The following VSNL1 variants were observed in gnomAD, a reference collection of about 807,000 sequenced individuals.
VSNL1 encodes the protein visinin like 1.
In VSNL1, 6 loss-of-function variants were observed where a neutral mutation model predicts 20.4. The observed-to-expected ratio is 0.29, with a 90% confidence interval of 0.16 to 0.58. VSNL1 has a LOEUF of 0.58. Ranked by LOEUF, VSNL1 falls within the 20% of genes least tolerant of loss-of-function variation. The pLI, the probability that VSNL1 is intolerant of heterozygous loss-of-function variation, is 0.90. For missense variants in VSNL1, 100 were observed against 234.5 expected (o/e 0.43, Z 3.75); for synonymous variants, 93 against 86.4 (o/e 1.08, Z -0.42).
intron 2 of VSNL1, among the ~76,000 whole-genome samples, chr2:17,611,810 C>A (rs1367801029): frequency 4.6e-5 from 7 of 152,196 alleles, no homozygotes; most frequent in Admixed American, 1.3e-4. Flanking sequence ...CCCCAAATGT[C>A]TCTCATCAAT....
chr2:17,597,245 G>A (rs958079726), intron 2 of VSNL1, among the ~76,000 whole-genome samples: 3 of 152,184 alleles, frequency 2.0e-5, no homozygotes, highest in Non-Finnish European at 4.4e-5. Context: ...CCCAGCTCCC[G>A]CTGCCAGATA....
intron 2 of VSNL1, among the ~76,000 whole-genome samples, chr2:17,604,075 G>C (rs1487336914): frequency 1.3e-5 from 2 of 152,232 alleles, no homozygotes; most frequent in Non-Finnish European, 2.9e-5. Flanking sequence ...AACAGCCCAA[G>C]AGCTAAGTGT....
rs889965432 is a variant in VSNL1 at position 17,540,833 on chromosome 2, C to A, written c.-91C>A. ...GAACCACACACAGAGACGGCTTAAG[C>A]GTTTACCCGAATTAAATATATATTT... On this transcript the variant is annotated 5_prime_UTR_variant, in exon 1 of 4. Transcript: ENST00000295156. The A allele has an allele frequency of 6.6e-6, 1 of 152,634 alleles. No homozygotes were observed. The highest frequency in any genetic ancestry group is 1.5e-5 in the Non-Finnish European group (1 of 68,048). 9.5% of individuals were successfully genotyped at this position (152,634 alleles called of 1,614,324 possible).
intron 2 of VSNL1, among the ~76,000 whole-genome samples, chr2:17,617,495 TA>T (rs113227311): frequency 0.065 from 9,375 of 144,412 alleles, 915 homozygotes; most frequent in African/African-American, 0.22. Flanking sequence ...GACTCTGTCT[TA>T]AAAAAAAAAA....
intron 1 of VSNL1, among the ~76,000 whole-genome samples, chr2:17,578,387 T>C (rs1664267337): frequency 1.3e-5 from 2 of 152,224 alleles, no homozygotes; most frequent in African/African-American, 4.8e-5. Flanking sequence ...TAGGATTGTT[T>C]TGAGGTTTTC....
intron 1 of VSNL1, among the ~76,000 whole-genome samples, chr2:17,589,888 T>A (rs1002688030): frequency 3.9e-5 from 6 of 152,178 alleles, no homozygotes; most frequent in African/African-American, 1.4e-4. Flanking sequence ...GCTGGCAAAG[T>A]GATCCTTTTT....
At chr2:17,578,171 C>T (rs186374969) in intron 1 of VSNL1, among the ~76,000 whole-genome samples, 1 of 152,234 alleles carries the variant, frequency 6.6e-6, no homozygotes, top group Non-Finnish European at 1.5e-5. Context: ...ATAAGAAAAA[C>T]TCAGTAAATT....
intron 2 of VSNL1, among the ~76,000 whole-genome samples, chr2:17,605,079 C>T (rs762796305): frequency 1.8e-4 from 28 of 152,290 alleles, no homozygotes; most frequent in South Asian, 4.1e-4. Flanking sequence ...ATGGCCTTCA[C>T]TTCCCTCATT....
intron 1 of VSNL1, among the ~76,000 whole-genome samples, chr2:17,574,629 C>A (rs919290363): frequency 6.6e-6 from 1 of 152,224 alleles, no homozygotes; most frequent in African/African-American, 2.4e-5. Context: ...CAGTCACTGG[C>A]TCCAGCTGAA....
chr2:17,541,570 G>C (rs1318579167), intron 1 of VSNL1: 2 of 152,198 alleles, frequency 1.3e-5, no homozygotes, highest in African/African-American at 2.4e-5. Context: ...GATTTTGAAC[G>C]GAGTCACAGG....
intron 1 of VSNL1, among the ~76,000 whole-genome samples, chr2:17,552,260 G>A (rs1383206455): frequency 6.6e-6 from 1 of 151,010 alleles, no homozygotes; most frequent in Non-Finnish European, 1.5e-5. Flanking sequence ...ATACTTACAC[G>A]CGTTACTTCA....
chr2:17,601,023 G>C (rs1480414456), intron 2 of VSNL1, among the ~76,000 whole-genome samples: 2 of 152,208 alleles, frequency 1.3e-5, no homozygotes, highest in South Asian at 2.1e-4. Context: ...AGGGTGTGAA[G>C]TTATTTTGGA....
intron 2 of VSNL1, among the ~76,000 whole-genome samples, chr2:17,628,164 G>A (rs893513373): frequency 6.6e-6 from 1 of 152,246 alleles, no homozygotes; most frequent in African/African-American, 2.4e-5. Context: ...GCTGGAGATT[G>A]TAGCCAGCAG....
chr2:17,643,830 A>ATGGG (rs1342569187), intron 2 of VSNL1, among the ~76,000 whole-genome samples: 2 of 152,178 alleles, frequency 1.3e-5, no homozygotes, highest in African/African-American at 4.8e-5. Flanking sequence ...CAGCAGCAGC[A>ATGGG]CGGCAATGGT....
At chr2:17,623,091 G>C (rs780008020) in intron 2 of VSNL1, among the ~76,000 whole-genome samples, 1 of 152,124 alleles carries the variant, frequency 6.6e-6, no homozygotes, top group African/African-American at 2.4e-5. Context: ...AATGAGATAA[G>C]CTTGTTAGTT....
chr2:17,642,816 A>T (rs1437162990), intron 2 of VSNL1, among the ~76,000 whole-genome samples: 1 of 152,254 alleles, frequency 6.6e-6, no homozygotes, highest in Non-Finnish European at 1.5e-5. Flanking sequence ...CTAGAAATTT[A>T]GTTCAAGAGT....
chr2:17,579,122 AT>A (rs1259773050), intron 1 of VSNL1, among the ~76,000 whole-genome samples: 41 of 140,280 alleles, frequency 2.9e-4, no homozygotes, highest in African/African-American at 3.9e-4. Flanking sequence ...CTTTTTTTTT[AT>A]TTTTTTTTTT....
chr2:17,615,619 C>A (rs1254374979), intron 2 of VSNL1, among the ~76,000 whole-genome samples: 1 of 152,184 alleles, frequency 6.6e-6, no homozygotes, highest in Non-Finnish European at 1.5e-5. Flanking sequence ...TTATTTTTGT[C>A]ACATACAAAG....
chr2:17,574,600 TA>T (rs1664161952), intron 1 of VSNL1, among the ~76,000 whole-genome samples: 1 of 152,352 alleles, frequency 6.6e-6, no homozygotes, highest in South Asian at 2.1e-4. Flanking sequence ...AAGGTGTCCA[TA>T]CACCCTGGGA....
Sources: gnomAD v4.1 joint callset for allele counts (sites outside exome capture counted in the v4.1 genomes callset) on GRCh38, gnomAD v4.1.1 for gene constraint, MANE v1.5 for transcripts, NCBI Gene and HGNC (gene_info 2026-07-23, HGNC 2026-07-21) for gene names.